Variants in TRPM3 observed in about 807,000 individuals in gnomAD.
The protein encoded by TRPM3 is transient receptor potential cation channel subfamily M member 3.
In TRPM3, 77 loss-of-function variants were observed where a neutral mutation model predicts 181.2. The ratio of observed to expected loss-of-function variants is 0.42; its 90% confidence interval spans 0.35 to 0.51. The LOEUF (loss-of-function observed/expected upper bound fraction) is 0.51, where lower values mean the gene tolerates loss of function less well. TRPM3 is among the 20% of genes least tolerant of loss of function. TRPM3 has a pLI of 0.01. For missense variants in TRPM3, 1,759 were observed against 2,196.7 expected, an observed-to-expected ratio of 0.80 and a Z score of 3.98; for synonymous variants, 745 against 796.4, an observed-to-expected ratio of 0.94 and a Z score of 1.09.
intron 1 of TRPM3, among the ~76,000 whole-genome samples, chr9:71,341,007 A>C (rs1472806394): frequency 6.6e-6 from 1 of 152,136 alleles, no homozygotes; most frequent in African/African-American, 2.4e-5. Flanking sequence ...AAAAGCTCCC[A>C]AAGTTGGAAC....
At chr9:70,999,827 G>T (rs1037955920) in intron 1 of TRPM3, among the ~76,000 whole-genome samples, 3 of 152,280 alleles carry the variant, frequency 2.0e-5, no homozygotes, top group African/African-American at 7.2e-5. Context: ...TATCCACACA[G>T]GGAGCATTCC....
chr9:70,875,999 T>C (rs2095862932), intron 1 of TRPM3, among the ~76,000 whole-genome samples: 1 of 151,904 alleles, frequency 6.6e-6, no homozygotes. Context: ...AAGTTCAGAA[T>C]TATGCAGATT....
At chr9:71,265,812 C>T (rs2083355561) in intron 1 of TRPM3, among the ~76,000 whole-genome samples, 1 of 152,210 alleles carries the variant, frequency 6.6e-6, no homozygotes, top group East Asian at 1.9e-4. Flanking sequence ...CTACTGTCAT[C>T]ACCTCACCTA....
At chr9:71,432,375 A>G (rs1159151438) in intron 1 of TRPM3, among the ~76,000 whole-genome samples, 2 of 124,332 alleles carry the variant, frequency 1.6e-5, no homozygotes, top group Non-Finnish European at 3.2e-5. Flanking sequence ...TTCTGCATAC[A>G]TTTTCATGGC....
intron 1 of TRPM3, among the ~76,000 whole-genome samples, chr9:70,910,535 T>C (rs2096527494): frequency 6.6e-6 from 1 of 152,144 alleles, no homozygotes; most frequent in African/African-American, 2.4e-5. Context: ...TTATATATAT[T>C]TAGAAGTTTA....
At position 70,552,850 on chromosome 9, in the gene TRPM3, C is replaced by T. The variant is rs369676176; in HGVS notation, c.3568G>A (p.Gly1190Ser). The T allele has an allele frequency of 4.3e-6, 7 of 1,613,820 alleles. No individual in the cohort carries two copies. Among genetic ancestry groups the T allele is most frequent in the African/African-American group, 4.0e-5 (3 of 74,982 alleles). The change falls in exon 24 of 26, where the codon GGC becomes AGC. Residue 1190 changes from glycine to serine, a missense_variant. By Grantham distance (56) the Gly-to-Ser change is moderately conservative. This residue lies in a region of TRPM3 where 96 missense variants were observed against 129.6 expected (regional missense o/e 0.74). Transcript: ENST00000677713. ...GCTGTCGCTTGAAGCTTACTCAGGC[C>T]GTAGTCCCTTTCATCCGGGTCGCTC... ...HESDPDERDY[G>S]LKLFITDDEL...
intron 1 of TRPM3, among the ~76,000 whole-genome samples, chr9:70,992,684 T>C (rs1359182991): frequency 6.6e-6 from 1 of 152,230 alleles, no homozygotes; most frequent in Non-Finnish European, 1.5e-5. Flanking sequence ...TAATTTTAGC[T>C]AATTTAACTT....
At position 71,429,991 on chromosome 9, in the gene TRPM3, C is replaced by T. The variant is rs571283458; in HGVS notation, c.183+16662G>A. 1.6e-3 allele frequency among the ~76,000 whole-genome samples: 238 copies of T among 152,296 alleles called. 1 individual carries two copies. The highest frequency in any genetic ancestry group is 5.2e-3 in the African/African-American group (218 of 41,568). On this transcript the variant is annotated intron_variant, in intron 1 of 24. Coordinates refer to the TRPM3 transcript ENST00000357533. The stretch of plus-strand genomic sequence containing the variant: ...CCTTCTGACATCTACCTAACAGCAA[C>T]AATCAGATAGCCTTTCTCCTTAGCT...
chr9:71,381,704 A>T (rs1188854378), intron 1 of TRPM3, among the ~76,000 whole-genome samples: 2 of 152,178 alleles, frequency 1.3e-5, no homozygotes, highest in Admixed American at 6.6e-5. Flanking sequence ...GAGAAGTTAA[A>T]TGTAAATGAA....
intron 1 of TRPM3, among the ~76,000 whole-genome samples, chr9:71,339,896 G>T (rs1433796529): frequency 6.6e-6 from 1 of 152,136 alleles, no homozygotes; most frequent in African/African-American, 2.4e-5. Flanking sequence ...TACAAAAACA[G>T]ATTGTAGGTA....
chr9:71,013,577 G>C (rs1017844694), intron 1 of TRPM3, among the ~76,000 whole-genome samples: 2 of 151,972 alleles, frequency 1.3e-5, no homozygotes, highest in South Asian at 4.2e-4. Flanking sequence ...GTGTTGTTTG[G>C]TGAGGTGGTT....
chr9:71,315,669 G>T (rs1422362268), intron 1 of TRPM3, among the ~76,000 whole-genome samples: 1 of 151,952 alleles, frequency 6.6e-6, no homozygotes, highest in Non-Finnish European at 1.5e-5. Context: ...AGTTTAAAAG[G>T]ATTCTGAAGA....
chr9:70,617,739 T>TG (rs1315939120), intron 17 of TRPM3, among the ~76,000 whole-genome samples: 3 of 152,054 alleles, frequency 2.0e-5, no homozygotes, highest in Non-Finnish European at 4.4e-5. Context: ...CCAAAGCGGG[T>TG]GGATCACTTG....
intron 1 of TRPM3, among the ~76,000 whole-genome samples, chr9:71,057,709 T>G (rs1220194098): frequency 6.6e-6 from 1 of 152,090 alleles, no homozygotes; most frequent in Non-Finnish European, 1.5e-5. Context: ...CAAGTTCTGA[T>G]GATAAAGTAC....
At chr9:71,096,214 C>T (rs999352797) in intron 1 of TRPM3, among the ~76,000 whole-genome samples, 12 of 150,054 alleles carry the variant, frequency 8.0e-5, no homozygotes, top group African/African-American at 3.0e-4. Context: ...GTTGCAAATG[C>T]TATACTTCCA....
At chr9:71,114,794 G>A (rs535805710) in intron 1 of TRPM3, among the ~76,000 whole-genome samples, 7 of 152,242 alleles carry the variant, frequency 4.6e-5, no homozygotes, top group African/African-American at 1.4e-4. Context: ...ATAAAGAAAG[G>A]GGGCATATGT....
intron 1 of TRPM3, among the ~76,000 whole-genome samples, chr9:71,372,107 T>A (rs1252419513): frequency 6.6e-6 from 1 of 152,172 alleles, no homozygotes; most frequent in Non-Finnish European, 1.5e-5. Flanking sequence ...ATTAGTTTGC[T>A]GAGAATAATG....
chr9:71,164,117 G>A (rs933202785), intron 1 of TRPM3, among the ~76,000 whole-genome samples: 3 of 152,146 alleles, frequency 2.0e-5, no homozygotes, highest in African/African-American at 7.2e-5. Context: ...AAGAAGGCAG[G>A]AGCCAAGGCA....
intron 1 of TRPM3, among the ~76,000 whole-genome samples, chr9:70,903,693 T>G (rs1438320462): frequency 6.6e-6 from 1 of 152,156 alleles, no homozygotes; most frequent in Non-Finnish European, 1.5e-5. Flanking sequence ...TATCTATAGA[T>G]TATTCAATTT....
Sources: allele counts gnomAD v4.1 joint callset (sites outside exome capture counted in the v4.1 genomes callset), GRCh38; gene constraint gnomAD v4.1.1; regional missense constraint gnomAD v4.1.1; transcripts MANE v1.5; gene names NCBI Gene and HGNC (gene_info 2026-07-23, HGNC 2026-07-21).